ARL6IP5: variants seen among roughly 807,000 people sequenced by gnomAD.
The protein encoded by ARL6IP5 is ARF like GTPase 6 interacting protein 5.
Under a neutral mutation model 13.0 loss-of-function variants are expected in ARL6IP5, and 6 were observed. The ratio of observed to expected loss-of-function variants is 0.46; its 90% CI spans 0.25 to 0.91. The LOEUF (loss-of-function observed/expected upper bound fraction) is 0.91. Among genes scored for constraint, ARL6IP5 ranks in the 40% least tolerant of loss-of-function variants. The pLI, the probability that ARL6IP5 is intolerant of heterozygous loss-of-function variation, is 0.17. For missense variants in ARL6IP5, 208 were observed against 248.8 expected, an observed-to-expected ratio of 0.84 and a Z score of 1.10; for synonymous variants, 91 against 91.9, an observed-to-expected ratio of 0.99 and a Z score of 0.06.
At chr3:69,090,467 A>G (rs1275325674) in intron 1 of ARL6IP5, among the ~76,000 whole-genome samples, 1 of 152,268 alleles carries the variant, frequency 6.6e-6, no homozygotes, top group Non-Finnish European at 1.5e-5. Flanking sequence ...TAATTTGTAT[A>G]CAAGTATAGC....
At chr3:69,090,216 C>T (rs1412698144) in intron 1 of ARL6IP5, among the ~76,000 whole-genome samples, 1 of 152,212 alleles carries the variant, frequency 6.6e-6, no homozygotes, top group East Asian at 1.9e-4. Flanking sequence ...GAAATGATTG[C>T]AGATAGAATG....
intron 1 of ARL6IP5, 69 bp from the exon 2 acceptor site, chr3:69,101,770 C>T (rs537254010): frequency 2.2e-4 from 295 of 1,318,148 alleles, no homozygotes; most frequent in Middle Eastern, 3.7e-4. Flanking sequence ...TGTTTTTACT[C>T]CTCTTTCTCC....
At chr3:69,091,039 A>G (rs1166347494) in intron 1 of ARL6IP5, among the ~76,000 whole-genome samples, 2 of 152,036 alleles carry the variant, frequency 1.3e-5, no homozygotes, top group African/African-American at 4.8e-5. Context: ...TCTACCAAAA[A>G]TAGAAAAAAT....
In ARL6IP5 at chr3:69,099,138, TGGGG is replaced by T. The variant is rs869224065; in HGVS notation, c.177-2698_177-2695del. ...TTGGGAGGCTGAGGGGCGGGGGGGG[TGGGG>T]GGTGGATCACATGAGGTCAGGAGTT... On this transcript the variant is annotated intron_variant, in intron 1 of 2. Transcript: ENST00000273258. Among the ~76,000 whole-genome samples the T allele has an allele frequency of 2.5e-3, 47 of 18,588 alleles. 1 individual carries two copies. Among genetic ancestry groups the T allele is most frequent in the Admixed American group, 5.8e-3 (9 of 1,544 alleles). The allele number at this position is 18,588 out of a possible 152,430, so 12.2% of individuals were successfully genotyped here.
chr3:69,103,504 A>C (rs1216328662), intron 2 of ARL6IP5, among the ~76,000 whole-genome samples: 1 of 152,202 alleles, frequency 6.6e-6, no homozygotes, highest in Non-Finnish European at 1.5e-5. Context: ...TTTGTGGGTC[A>C]ACAGTGGTAC....
At position 69,105,008 on chromosome 3, in the gene ARL6IP5, G is replaced by GT; in HGVS notation, c.*373dup. 1 of 636,170 alleles carries GT rather than the reference G, an allele frequency of 1.6e-6. No individual in the cohort carries two copies. Among genetic ancestry groups the GT allele is most frequent in the East Asian group, 2.7e-5 (1 of 36,696 alleles). The allele number at this position is 636,170 out of a possible 1,614,324, so 39.4% of individuals were successfully genotyped here. ...ATTGTAAAGTATCAAGACAATACGA[G>GT]TAAATGAAAAGGCTGTTAAAGTAGA... On this transcript the variant is annotated 3_prime_UTR_variant, in exon 3 of 3. Transcript: ENST00000273258.
At chr3:69,087,049 C>A (rs1256421804) in intron 1 of ARL6IP5, among the ~76,000 whole-genome samples, 2 of 151,786 alleles carry the variant, frequency 1.3e-5, no homozygotes, top group Non-Finnish European at 2.9e-5. Context: ...GAGACAAGGT[C>A]TTGTTCTGTT....
intron 1 of ARL6IP5, among the ~76,000 whole-genome samples, chr3:69,090,176 A>T (rs1347631376): frequency 1.3e-5 from 2 of 152,214 alleles, no homozygotes; most frequent in East Asian, 3.8e-4. Context: ...GCGTAAGGCA[A>T]CCCTGGGAGG....
At chr3:69,104,101 G>A (rs980317203) in intron 2 of ARL6IP5, among the ~76,000 whole-genome samples, 2 of 152,084 alleles carry the variant, frequency 1.3e-5, no homozygotes, top group Non-Finnish European at 2.9e-5. Flanking sequence ...GGAAAGCCTC[G>A]GGTAAGTTGA....
At chr3:69,097,475 T>G (rs1485750665) in intron 1 of ARL6IP5, among the ~76,000 whole-genome samples, 1 of 151,936 alleles carries the variant, frequency 6.6e-6, no homozygotes, top group African/African-American at 2.4e-5. Flanking sequence ...CCACACTGGC[T>G]TAGAATCTTT....
At chr3:69,099,814 A>C (rs1021757076) in intron 1 of ARL6IP5, among the ~76,000 whole-genome samples, 2 of 152,178 alleles carry the variant, frequency 1.3e-5, no homozygotes, top group Admixed American at 1.3e-4. Context: ...CTAGGGTAAA[A>C]AGTTAAGTAA....
chr3:69,091,439 C>T (rs2092265520), intron 1 of ARL6IP5, among the ~76,000 whole-genome samples: 1 of 151,854 alleles, frequency 6.6e-6, no homozygotes, highest in Admixed American at 6.6e-5. Context: ...GGACTATAGG[C>T]ATGTGCCACC....
At chr3:69,091,669 T>C (rs1047343329) in intron 1 of ARL6IP5, among the ~76,000 whole-genome samples, 1 of 150,412 alleles carries the variant, frequency 6.6e-6, no homozygotes, top group African/African-American at 2.4e-5. Flanking sequence ...TTTTTTTTTT[T>C]TTTTTCAATG....
chr3:69,084,959 C>T lies in ARL6IP5; in HGVS notation c.-89C>T. On this transcript the variant is annotated 5_prime_UTR_variant, in exon 1 of 3. Transcript: ENST00000273258. ...ACCGCAAAGCCGACCGAGACGGAGC[C>T]GCTGTCAACTCTCCAACTCAGCTCA... 6.6e-7 allele frequency: 1 copy of T among 1,505,596 alleles called. No homozygotes were observed. The highest frequency in any genetic ancestry group is 1.3e-5 in the South Asian group (1 of 79,478). The allele number at this position is 1,505,596 out of a possible 1,614,324, so 93.3% of individuals were successfully genotyped here. A position where few individuals can be genotyped will look rare whatever the true frequency, so the allele number is the denominator to read the frequency against.
chr3:69,098,014 T>C (rs114587301), intron 1 of ARL6IP5, among the ~76,000 whole-genome samples: 1,541 of 152,274 alleles, frequency 0.01, 23 homozygotes, highest in African/African-American at 0.035. Flanking sequence ...TGTTTTTGTA[T>C]TTCCTTTTTT....
chr3:69,104,263 GA>G (rs35189946), intron 2 of ARL6IP5, among the ~76,000 whole-genome samples, 200 bp from the exon 3 acceptor site: 22 of 152,062 alleles, frequency 1.4e-4, no homozygotes, highest in African/African-American at 5.3e-4. Context: ...CTTTAATGCA[GA>G]AAAAAAACTA....
chr3:69,090,925 G>C (rs1025657974), intron 1 of ARL6IP5, among the ~76,000 whole-genome samples: 1 of 152,198 alleles, frequency 6.6e-6, no homozygotes, highest in African/African-American at 2.4e-5. Context: ...GGCTGGACAT[G>C]ATGGCTCACG....
chr3:69,088,390 G>T (rs1452079036), intron 1 of ARL6IP5, among the ~76,000 whole-genome samples: 1 of 152,182 alleles, frequency 6.6e-6, no homozygotes, highest in Non-Finnish European at 1.5e-5. Flanking sequence ...TTCAACAATG[G>T]TTCCATCCCC....
chr3:69,099,240 G>A (rs879737508), intron 1 of ARL6IP5, among the ~76,000 whole-genome samples: 5 of 151,936 alleles, frequency 3.3e-5, no homozygotes, highest in Admixed American at 6.6e-5. Flanking sequence ...GCATGTTGGC[G>A]GGTGCCTGTA....
Sources: gnomAD v4.1 joint callset for allele counts (sites outside exome capture counted in the v4.1 genomes callset) on GRCh38, gnomAD v4.1.1 for gene constraint, MANE v1.5 for transcripts, NCBI Gene and HGNC (gene_info 2026-07-23, HGNC 2026-07-21) for gene names.